NFIA: variants seen among roughly 807,000 people sequenced by gnomAD.
NFIA encodes the protein nuclear factor 1 A-type.
NFIA carries 8 observed loss-of-function variants against 62.8 expected under a neutral mutation model. The ratio of observed to expected loss-of-function variants is 0.13; its 90% CI spans 0.07 to 0.23. The LOEUF (loss-of-function observed/expected upper bound fraction) is 0.23, where lower values mean the gene tolerates loss of function less well. NFIA is among the 10% of genes least tolerant of loss of function. NFIA has a pLI of 1.00. For missense variants in NFIA, 410 were observed against 642.1 expected (o/e 0.64, Z 3.91); for synonymous variants, 235 against 238.1 (o/e 0.99, Z 0.12).
intron 2 of NFIA, among the ~76,000 whole-genome samples, chr1:61,272,340 AATAG>A (rs760844270): frequency 7.4e-4 from 112 of 152,210 alleles, no homozygotes; most frequent in Non-Finnish European, 1.4e-3. Flanking sequence ...TACTGGAAAA[AATAG>A]ATAATTTTCC....
chr1:61,108,310 C>T (rs1034555054), intron 2 of NFIA, among the ~76,000 whole-genome samples: 6 of 151,508 alleles, frequency 4.0e-5, no homozygotes, highest in Admixed American at 2.6e-4. Context: ...TTCTTGGTTA[C>T]ACTGAATTTT....
chr1:61,393,700 A>G lies in NFIA; in HGVS notation c.1075+10335A>G, dbSNP rs1481139808. Among the ~76,000 whole-genome samples, 4 of 152,120 alleles carry G rather than the reference A, an allele frequency of 2.6e-5. No homozygotes were observed. The East Asian group carries it at 5.8e-4, about 22-fold the overall frequency. ...TGAGGGACAGAGAGTTCCCCAAAGA[A>G]ACATTAGAGCTCTGTTTCCAGAAGA... On this transcript the variant is annotated intron_variant, in intron 7 of 10. Coordinates refer to ENST00000403491, the MANE Select transcript of NFIA (RefSeq NM_001134673.4).
At chr1:61,227,503 C>G (rs1654406834) in intron 2 of NFIA, among the ~76,000 whole-genome samples, 1 of 152,152 alleles carries the variant, frequency 6.6e-6, no homozygotes, top group African/African-American at 2.4e-5. Flanking sequence ...TTTCTTTCAT[C>G]AGGGCGTAAA....
Position 61,312,816 on chromosome 1 carries a change from A to G in NFIA, c.626-19696A>G, listed in dbSNP as rs529409497. Among the ~76,000 whole-genome samples the G allele has an allele frequency of 5.9e-5, 9 of 152,168 alleles. No individual in the cohort carries two copies. The South Asian group carries it at 1.9e-3, about 32-fold the overall frequency. ...GTGTGAGCCACCATGCCCAACTTCA[A>G]ATTAGGACTTCTTTACAATAAGGGT... On this transcript the variant is annotated intron_variant, in intron 3 of 10. Coordinates refer to ENST00000403491, the MANE Select transcript of NFIA (RefSeq NM_001134673.4).
chr1:61,283,598 A>AAAAAAGAAAAG (rs1362552571), intron 3 of NFIA, among the ~76,000 whole-genome samples: 2 of 147,938 alleles, frequency 1.4e-5, no homozygotes, highest in African/African-American at 2.5e-5. Flanking sequence ...AAAAAAAAAA[A>AAAAAAGAAAAG]AAAAAAAAAA....
At position 61,196,536 on chromosome 1, in the gene NFIA, T is replaced by G. The variant is rs866095118; in HGVS notation, c.560-80984T>G. Among the ~76,000 whole-genome samples the G allele has an allele frequency of 6.0e-4, 92 of 152,276 alleles. No homozygotes were observed. In the Middle Eastern group the frequency reaches 0.01, roughly 17 times the overall value. The stretch of plus-strand genomic sequence containing the variant: ...TGTTGCATGCAATATGACTGGCCAG[T>G]GGCATTTTATTTCAAAGATCTCATG... On this transcript the variant is annotated intron_variant, in intron 2 of 10. Coordinates refer to ENST00000403491, the MANE Select transcript of NFIA (RefSeq NM_001134673.4).
chr1:61,089,444 G>T lies in NFIA; in HGVS notation c.559+764G>T, dbSNP rs560852562. Among the ~76,000 whole-genome samples, 3 of 152,234 alleles carry T rather than the reference G, an allele frequency of 2.0e-5. No individual in the cohort carries two copies. In the East Asian group the frequency reaches 5.8e-4, roughly 29 times the overall value. The stretch of plus-strand genomic sequence containing the variant: ...CATGTTTCAGTGTTTAGAATAGCAT[G>T]CAGGATAAAACTATTGAGGACTGGA... On this transcript the variant is annotated intron_variant, in intron 2 of 10. Transcript: ENST00000403491.
chr1:61,397,868 A>G, intron 7 of NFIA, among the ~76,000 whole-genome samples: 1 of 152,238 alleles, frequency 6.6e-6, no homozygotes, highest in East Asian at 1.9e-4. Flanking sequence ...GCCAGCACAG[A>G]CCAAGGCATA....
At chr1:61,419,386 T>G (rs1666501207) in intron 9 of NFIA, among the ~76,000 whole-genome samples, 1 of 152,140 alleles carries the variant, frequency 6.6e-6, no homozygotes, top group Non-Finnish European at 1.5e-5. Flanking sequence ...TGAGCTATGA[T>G]GACATCACTG....
intron 9 of NFIA, among the ~76,000 whole-genome samples, chr1:61,416,350 A>G (rs899799533): frequency 1.3e-5 from 2 of 152,226 alleles, no homozygotes; most frequent in African/African-American, 4.8e-5. Context: ...GGGGGAGTTC[A>G]TAAAATCCTT....
chr1:61,322,827 A>G (rs1488894633), intron 3 of NFIA, among the ~76,000 whole-genome samples: 2 of 152,226 alleles, frequency 1.3e-5, no homozygotes, highest in Non-Finnish European at 2.9e-5. Context: ...AGTCCCCAAG[A>G]GTAAGGACCT....
At chr1:61,262,983 A>G (rs982711639) in intron 2 of NFIA, among the ~76,000 whole-genome samples, 1 of 152,142 alleles carries the variant, frequency 6.6e-6, no homozygotes, top group Non-Finnish European at 1.5e-5. Flanking sequence ...ATAAACTCTG[A>G]TTCTTACTTA....
At chr1:61,438,403 G>A (rs1490608469) in intron 10 of NFIA, among the ~76,000 whole-genome samples, 1 of 152,108 alleles carries the variant, frequency 6.6e-6, no homozygotes, top group Non-Finnish European at 1.5e-5. Context: ...TTATCTTTAG[G>A]ACAAGGGGCC....
In NFIA at chr1:61,456,737, A is replaced by C. The variant is rs988085505; in HGVS notation, c.*1417A>C. 6.9e-6 allele frequency: 1 copy of C among 144,414 alleles called. No homozygotes were observed. Among genetic ancestry groups the C allele is most frequent in the Non-Finnish European group, 1.5e-5 (1 of 66,896 alleles). The allele number at this position is 144,414 out of a possible 1,614,324, so 8.9% of individuals were successfully genotyped here. ...CAAATGCTGGTGCCCATTCAGATCAAGGGTACTTGTTAGGGAAAAAAAAAA... is the reference window on the plus strand; with the variant it reads ...CAAATGCTGGTGCCCATTCAGATCACGGGTACTTGTTAGGGAAAAAAAAAA... On this transcript the variant is annotated 3_prime_UTR_variant, in exon 11 of 11. Coordinates refer to ENST00000403491, the MANE Select transcript of NFIA (RefSeq NM_001134673.4).
At chr1:61,250,228 T>C (rs1655938684) in intron 2 of NFIA, 1 of 152,224 alleles carries the variant, frequency 6.6e-6, no homozygotes, top group African/African-American at 2.4e-5. Flanking sequence ...TGTAATAATA[T>C]AAGTGCTAGA....
At chr1:61,424,341 AC>A (rs61586886) in intron 9 of NFIA, among the ~76,000 whole-genome samples, 12 of 147,154 alleles carry the variant, frequency 8.2e-5, no homozygotes, top group East Asian at 2.0e-4. Flanking sequence ...AAAAAATGAC[AC>A]CCCCCCCTCA....
At chr1:61,195,769 T>C (rs961532548) in intron 2 of NFIA, among the ~76,000 whole-genome samples, 3 of 152,190 alleles carry the variant, frequency 2.0e-5, no homozygotes, top group Non-Finnish European at 4.4e-5. Context: ...ACAAGAAATA[T>C]CTCTTTTAAA....
At chr1:61,183,249 T>C (rs1004751836) in intron 2 of NFIA, among the ~76,000 whole-genome samples, 4 of 152,228 alleles carry the variant, frequency 2.6e-5, no homozygotes, top group East Asian at 1.9e-4. Flanking sequence ...TACAGAATTA[T>C]AGAATACCTA....
chr1:61,166,909 A>G (rs1045536339), intron 2 of NFIA, among the ~76,000 whole-genome samples: 3 of 152,252 alleles, frequency 2.0e-5, no homozygotes, highest in Non-Finnish European at 4.4e-5. Flanking sequence ...TGGGAGGCCA[A>G]GGCGGGCGGA....
Sources: allele counts gnomAD v4.1 joint callset (sites outside exome capture counted in the v4.1 genomes callset), GRCh38; gene constraint gnomAD v4.1.1; transcripts MANE v1.5; gene names NCBI Gene and HGNC (gene_info 2026-07-23, HGNC 2026-07-21).